Variants in AGBL4 observed in about 807,000 individuals in gnomAD.
The protein encoded by AGBL4 is cytosolic carboxypeptidase 6.
A neutral mutation model predicts 66.4 loss-of-function variants in AGBL4; 58 were observed. The ratio of observed to expected loss-of-function variants is 0.87; its 90% CI spans 0.71 to 1.09. AGBL4 has a LOEUF of 1.09. AGBL4 is among the 50% of genes least tolerant of loss of function. The pLI, the probability that AGBL4 is intolerant of heterozygous loss-of-function variation, is 0.00. For missense variants in AGBL4, 579 were observed against 631.0 expected (o/e 0.92, Z 0.88); for synonymous variants, 234 against 222.9 (o/e 1.05, Z -0.44).
chr1:49,682,305 G>T (rs1221920069), intron 3 of AGBL4, among the ~76,000 whole-genome samples: 4 of 152,118 alleles, frequency 2.6e-5, no homozygotes, highest in Non-Finnish European at 4.4e-5. Flanking sequence ...ACAGGAGGCT[G>T]AGGCAGGAGA....
chr1:49,019,704 A>G (rs754392348), intron 5 of AGBL4, among the ~76,000 whole-genome samples: 5 of 152,244 alleles, frequency 3.3e-5, no homozygotes, highest in Non-Finnish European at 5.9e-5. Flanking sequence ...GTTAAATTAT[A>G]GTTACCAGTT....
intron 1 of AGBL4, among the ~76,000 whole-genome samples, chr1:49,858,049 G>A (rs1330487631): frequency 6.6e-6 from 1 of 152,016 alleles, no homozygotes; most frequent in East Asian, 1.9e-4. Context: ...ATTAAAAAGT[G>A]GACAGCAGAA....
chr1:49,573,313 G>A (rs1459042990), intron 3 of AGBL4, among the ~76,000 whole-genome samples: 1 of 151,856 alleles, frequency 6.6e-6, no homozygotes, highest in Non-Finnish European at 1.5e-5. Flanking sequence ...TTCTGGAATT[G>A]GCTGCTTAAT....
At chr1:48,830,190 G>A (rs772276688) in intron 6 of AGBL4, among the ~76,000 whole-genome samples, 2 of 152,154 alleles carry the variant, frequency 1.3e-5, no homozygotes, top group Non-Finnish European at 2.9e-5. Context: ...CGCCTCAGTC[G>A]TTTCTATAAA....
At chr1:49,246,225 A>G (rs1329398867) in intron 3 of AGBL4, among the ~76,000 whole-genome samples, 2 of 151,982 alleles carry the variant, frequency 1.3e-5, no homozygotes, top group African/African-American at 4.8e-5. Flanking sequence ...TATGTACAGT[A>G]TTTGGTACCA....
intron 4 of AGBL4, among the ~76,000 whole-genome samples, chr1:49,223,759 G>C (rs753839103): frequency 7.9e-5 from 12 of 152,072 alleles, no homozygotes; most frequent in Non-Finnish European, 1.2e-4. Context: ...TCCTGAATTA[G>C]GTCACGAATA....
At chr1:49,206,564 T>G (rs1648148518) in intron 4 of AGBL4, among the ~76,000 whole-genome samples, 1 of 152,032 alleles carries the variant, frequency 6.6e-6, no homozygotes, top group Admixed American at 6.6e-5. Context: ...TTATACATAT[T>G]CTTTTGCTGC....
intron 3 of AGBL4, among the ~76,000 whole-genome samples, chr1:49,377,783 C>G (rs1466109132): frequency 6.6e-6 from 1 of 152,030 alleles, no homozygotes; most frequent in Non-Finnish European, 1.5e-5. Flanking sequence ...GAATCCTGAG[C>G]TAAGATAATT....
intron 4 of AGBL4, among the ~76,000 whole-genome samples, chr1:49,101,308 C>A (rs894053516): frequency 6.6e-6 from 1 of 151,970 alleles, no homozygotes; most frequent in African/African-American, 2.4e-5. Flanking sequence ...GTGTCTCAGC[C>A]TCCTGAGGAG....
chr1:49,822,309 T>TTG (rs1324497286), intron 2 of AGBL4, among the ~76,000 whole-genome samples: 3 of 140,794 alleles, frequency 2.1e-5, no homozygotes, highest in African/African-American at 8.0e-5. Context: ...TCTTCTTTCT[T>TTG]CGTGTGTGTG....
chr1:49,305,478 T>C (rs1300561566), intron 3 of AGBL4, among the ~76,000 whole-genome samples: 2 of 152,162 alleles, frequency 1.3e-5, no homozygotes, highest in Non-Finnish European at 2.9e-5. Flanking sequence ...TATCCATGTT[T>C]GGTTGCTGAT....
chr1:48,701,969 T>C (rs12092789), intron 6 of AGBL4, among the ~76,000 whole-genome samples: 7,652 of 152,208 alleles, frequency 0.05, 659 homozygotes, highest in African/African-American at 0.17. Context: ...TAACATGGCA[T>C]CTCCCATCTT....
At chr1:48,556,453 C>T (rs977078531) in intron 11 of AGBL4, among the ~76,000 whole-genome samples, 3 of 152,184 alleles carry the variant, frequency 2.0e-5, no homozygotes, top group Admixed American at 6.5e-5. Context: ...ACTATAAGAA[C>T]AAGCATATTA....
chr1:49,978,414 A>G (rs139853063), intron 1 of AGBL4, among the ~76,000 whole-genome samples: 3 of 152,322 alleles, frequency 2.0e-5, no homozygotes, highest in African/African-American at 7.2e-5. Context: ...ACTGCCCTCT[A>G]GCCTAGGCAA....
intron 3 of AGBL4, among the ~76,000 whole-genome samples, chr1:49,424,349 AAGGTAGC>A (rs1645612161): frequency 6.6e-6 from 1 of 152,194 alleles, no homozygotes; most frequent in Non-Finnish European, 1.5e-5. Flanking sequence ...CCTTCACTAG[AAGGTAGC>A]CATTATTGAG....
intron 5 of AGBL4, among the ~76,000 whole-genome samples, chr1:48,972,940 T>C (rs1659027696): frequency 6.6e-6 from 1 of 152,166 alleles, no homozygotes; most frequent in South Asian, 2.1e-4. Context: ...CCTTTTGATG[T>C]AGGTATTACC....
intron 3 of AGBL4, among the ~76,000 whole-genome samples, chr1:49,455,269 T>C (rs1454239904): frequency 6.6e-6 from 1 of 151,774 alleles, no homozygotes; most frequent in Admixed American, 6.6e-5. Context: ...AAAACTTCTC[T>C]ACTTACTATT....
intron 3 of AGBL4, among the ~76,000 whole-genome samples, chr1:49,521,149 A>T (rs1027234122): frequency 2.0e-5 from 3 of 152,066 alleles, no homozygotes; most frequent in Non-Finnish European, 4.4e-5. Flanking sequence ...ACATTTATAC[A>T]GTACATTTAC....
intron 4 of AGBL4, among the ~76,000 whole-genome samples, chr1:49,051,908 ATTATCATC>A (rs1192487022): frequency 6.6e-6 from 1 of 152,072 alleles, no homozygotes; most frequent in African/African-American, 2.4e-5. Flanking sequence ...GTCTAATCAG[ATTATCATC>A]TTATCAGGGG....
Sources: gnomAD v4.1 joint callset for allele counts (sites outside exome capture counted in the v4.1 genomes callset) on GRCh38, gnomAD v4.1.1 for gene constraint, MANE v1.5 for transcripts, NCBI Gene and HGNC (gene_info 2026-07-23, HGNC 2026-07-21) for gene names.